NFIA: variants seen among roughly 807,000 people sequenced by gnomAD.
The protein encoded by NFIA is nuclear factor I A, also known as nuclear factor 1 A-type.
Under a neutral mutation model 62.8 loss-of-function variants are expected in NFIA, and 8 were observed. That is an observed-to-expected ratio of 0.13 (90% CI 0.07 to 0.23). The LOEUF is 0.23. Ranked by LOEUF, NFIA falls within the 10% of genes least tolerant of loss-of-function variation. NFIA has a pLI of 1.00. For missense variants in NFIA, 410 were observed against 642.1 expected (o/e 0.64, Z 3.91); for synonymous variants, 235 against 238.1 (o/e 0.99, Z 0.12).
At chr1:61,157,039 A>C (rs1196594378) in intron 2 of NFIA, among the ~76,000 whole-genome samples, 3 of 152,204 alleles carry the variant, frequency 2.0e-5, no homozygotes, top group African/African-American at 7.2e-5. Context: ...CCAGTGGCCA[A>C]AGAGAACTGC....
At chr1:61,313,250 G>C (rs1465092615) in intron 3 of NFIA, among the ~76,000 whole-genome samples, 1 of 152,142 alleles carries the variant, frequency 6.6e-6, no homozygotes, top group Non-Finnish European at 1.5e-5. Context: ...TCTGAGGCTG[G>C]GTAATTTATA....
At chr1:61,321,850 G>C (rs1437245824) in intron 3 of NFIA, among the ~76,000 whole-genome samples, 1 of 151,810 alleles carries the variant, frequency 6.6e-6, no homozygotes, top group Non-Finnish European at 1.5e-5. Flanking sequence ...TCCTTTAATT[G>C]CTCAATCACT....
chr1:61,318,363 C>T (rs1207686522), intron 3 of NFIA, among the ~76,000 whole-genome samples: 2 of 152,100 alleles, frequency 1.3e-5, no homozygotes, highest in African/African-American at 4.8e-5. Context: ...CAAGCTGACA[C>T]TTTGAGGGAA....
intron 6 of NFIA, among the ~76,000 whole-genome samples, chr1:61,364,355 T>TCTAG (rs1663471338): frequency 6.6e-6 from 1 of 152,210 alleles, no homozygotes; most frequent in Non-Finnish European, 1.5e-5. Flanking sequence ...CATAACAGTG[T>TCTAG]CTAGCACATA....
intron 2 of NFIA, among the ~76,000 whole-genome samples, chr1:61,172,181 C>T (rs1200396815): frequency 1.3e-5 from 2 of 152,144 alleles, no homozygotes; most frequent in Non-Finnish European, 2.9e-5. Context: ...CAGTGAATTT[C>T]TGCTTCCTAA....
chr1:61,079,166 C>T (rs573636073), upstream of NFIA, among the ~76,000 whole-genome samples: 20 of 152,288 alleles, frequency 1.3e-4, no homozygotes, highest in African/African-American at 4.6e-4. Flanking sequence ...TAAGAAAAAT[C>T]TGCACAGAAG....
chr1:61,383,438 C>T, intron 7 of NFIA, 73 bp downstream of exon 7: 1 of 1,584,046 alleles, frequency 6.3e-7, no homozygotes, highest in Non-Finnish European at 8.6e-7. Context: ...AAATGAGAAA[C>T]AATGAGGACT....
In NFIA at chr1:61,296,284, G is replaced by A. The variant is rs537450397; in HGVS notation, c.625+18699G>A. Among the ~76,000 whole-genome samples the A allele has an allele frequency of 7.9e-5, 12 of 152,212 alleles. No homozygotes were observed. The East Asian group carries it at 1.7e-3, about 22-fold the overall frequency. On this transcript the variant is annotated intron_variant, in intron 3 of 10. Transcript: ENST00000403491. ...TCAGTATTTGACTTCAGATTGACTC[G>A]TTTATTTATTCTTAAACTCCCTTGA...
chr1:61,128,443 T>G (rs768093126), intron 2 of NFIA, among the ~76,000 whole-genome samples: 2 of 151,958 alleles, frequency 1.3e-5, no homozygotes, highest in Non-Finnish European at 2.9e-5. Context: ...AAACCACATC[T>G]CTACCGAAAA....
intron 2 of NFIA, among the ~76,000 whole-genome samples, chr1:61,186,292 G>T (rs1229982820): frequency 6.6e-6 from 1 of 152,108 alleles, no homozygotes; most frequent in Non-Finnish European, 1.5e-5. Context: ...CAGAACCTCT[G>T]TAAAAGTGAG....
Position 61,292,567 on chromosome 1 carries a change from T to A in NFIA, c.625+14982T>A, listed in dbSNP as rs144912255. On this transcript the variant is annotated intron_variant, in intron 3 of 10. Transcript: ENST00000403491. Reference sequence around the variant, plus strand: ...GGATACAGATATTTAGGCAGATAGTTGCATAAAATGTGATTGTGATCTCCT... The same window carrying A: ...GGATACAGATATTTAGGCAGATAGTAGCATAAAATGTGATTGTGATCTCCT... 2.4e-3 allele frequency among the ~76,000 whole-genome samples: 371 copies of A among 152,300 alleles called. 2 individuals carry two copies. The highest frequency in any genetic ancestry group is 3.9e-3 in the Non-Finnish European group (262 of 68,018).
At chr1:61,401,147 C>A (rs1459290097) in intron 7 of NFIA, among the ~76,000 whole-genome samples, 1 of 152,030 alleles carries the variant, frequency 6.6e-6, no homozygotes, top group Non-Finnish European at 1.5e-5. Flanking sequence ...ACCAGAAAGT[C>A]CAAAGCATGA....
At chr1:61,356,144 G>A (rs1474776047) in intron 5 of NFIA, among the ~76,000 whole-genome samples, 2 of 152,162 alleles carry the variant, frequency 1.3e-5, no homozygotes, top group African/African-American at 2.4e-5. Flanking sequence ...TTGTATGGCT[G>A]TTTCTAAGTC....
chr1:61,296,779 TAGAA>T (rs1260855608), intron 3 of NFIA, among the ~76,000 whole-genome samples: 6 of 152,312 alleles, frequency 3.9e-5, no homozygotes, highest in East Asian at 1.9e-4. Flanking sequence ...ATAAGTTTCA[TAGAA>T]AGAAAACCTC....
In NFIA at chr1:61,263,213, A is replaced by G. The variant is rs878869702; in HGVS notation, c.560-14307A>G. On this transcript the variant is annotated intron_variant, in intron 2 of 10. Coordinates refer to ENST00000403491, the MANE Select transcript of NFIA (RefSeq NM_001134673.4). ...AAACAGGACAGAGTTTCCAAAGGAA[A>G]TGTCTGTAGATGTTAACCAAACTGA... Among the ~76,000 whole-genome samples the G allele has an allele frequency of 2.0e-5, 3 of 152,194 alleles. No individual in the cohort carries two copies. In the South Asian group the frequency reaches 6.2e-4, roughly 32 times the overall value.
chr1:61,424,165 G>A (rs890597762), intron 9 of NFIA, among the ~76,000 whole-genome samples: 4 of 152,136 alleles, frequency 2.6e-5, no homozygotes, highest in South Asian at 2.1e-4. Flanking sequence ...GATTGAAGAA[G>A]AGAAAATATC....
At chr1:61,309,339 A>T (rs1570555225) in intron 3 of NFIA, among the ~76,000 whole-genome samples, 1 of 152,018 alleles carries the variant, frequency 6.6e-6, no homozygotes, top group African/African-American at 2.4e-5. Flanking sequence ...AGATATGAGC[A>T]CCCCACACAC....
intron 2 of NFIA, among the ~76,000 whole-genome samples, chr1:61,110,146 A>G (rs753155307): frequency 6.6e-6 from 1 of 151,998 alleles, no homozygotes; most frequent in African/African-American, 2.4e-5. Flanking sequence ...ATTGCCATCC[A>G]TTAGACCAGT....
chr1:61,176,558 T>C (rs1650359783), intron 2 of NFIA, among the ~76,000 whole-genome samples: 1 of 152,078 alleles, frequency 6.6e-6, no homozygotes, highest in Non-Finnish European at 1.5e-5. Flanking sequence ...TTTTTTCATA[T>C]AAAATTTATT....
Sources: gnomAD v4.1 joint callset for allele counts (sites outside exome capture counted in the v4.1 genomes callset) on GRCh38, gnomAD v4.1.1 for gene constraint, MANE v1.5 for transcripts, NCBI Gene and HGNC (gene_info 2026-07-23, HGNC 2026-07-21) for gene names.